The following PCSK2 variants were observed in gnomAD, a reference collection of about 807,000 sequenced individuals.
The protein encoded by PCSK2 is neuroendocrine convertase 2.
A neutral mutation model predicts 69.7 loss-of-function variants in PCSK2; 14 were observed. The ratio of observed to expected loss-of-function variants is 0.20; its 90% confidence interval spans 0.13 to 0.31. PCSK2 has a LOEUF of 0.31. PCSK2 is among the 10% of genes least tolerant of loss of function. The pLI is 1.00. For synonymous variants in PCSK2, 307 were observed against 320.7 expected (o/e 0.96, Z 0.46); for missense variants, 544 against 842.5 (o/e 0.65, Z 4.39).
chr20:17,251,823 T>G (rs1416088595), intron 1 of PCSK2, among the ~76,000 whole-genome samples: 1 of 152,114 alleles, frequency 6.6e-6, no homozygotes, highest in East Asian at 1.9e-4. Context: ...GGAGGCTCAG[T>G]TGGGAAGACT....
chr20:17,263,437 C>G (rs1046233020), intron 2 of PCSK2, among the ~76,000 whole-genome samples: 1 of 152,170 alleles, frequency 6.6e-6, no homozygotes, highest in Non-Finnish European at 1.5e-5. Context: ...TGCTAAAAAG[C>G]AAAAGTTGTG....
chr20:17,347,810 AAG>A (rs1241124907), intron 2 of PCSK2, among the ~76,000 whole-genome samples: 1 of 136,748 alleles, frequency 7.3e-6, no homozygotes, highest in Non-Finnish European at 1.6e-5. Context: ...GAAAGAAAGA[AAG>A]AAAGAAAGAA....
At chr20:17,412,712 T>C (rs6034822) in intron 6 of PCSK2, among the ~76,000 whole-genome samples, 101,958 of 151,842 alleles carry the variant, frequency 0.67, 34,424 homozygotes, top group Middle Eastern at 0.76. Flanking sequence ...GAAGAGGAAC[T>C]CCAAGACACA....
chr20:17,358,982 A>G (rs893545037), intron 3 of PCSK2, among the ~76,000 whole-genome samples: 8 of 152,148 alleles, frequency 5.3e-5, no homozygotes, highest in African/African-American at 1.9e-4. Flanking sequence ...ACTAAAACCC[A>G]TTTTGCCTGG....
chr20:17,265,755 T>TC (rs1987575185), intron 2 of PCSK2, among the ~76,000 whole-genome samples: 1 of 152,164 alleles, frequency 6.6e-6, no homozygotes, highest in South Asian at 2.1e-4. Context: ...TCCATAATTT[T>TC]CCCTGCTCCT....
intron 7 of PCSK2, among the ~76,000 whole-genome samples, chr20:17,431,184 A>G (rs902713500): frequency 4.6e-5 from 7 of 152,174 alleles, no homozygotes; most frequent in African/African-American, 1.7e-4. Flanking sequence ...AGTGAGTCTC[A>G]TGGACAACAG....
At chr20:17,367,571 TG>T (rs1481391470) in intron 4 of PCSK2, among the ~76,000 whole-genome samples, 4 of 152,338 alleles carry the variant, frequency 2.6e-5, no homozygotes, top group East Asian at 1.9e-4. Flanking sequence ...ACCATTTTGC[TG>T]GGGGGATGTT....
chr20:17,253,019 G>A (rs574519739), intron 1 of PCSK2, among the ~76,000 whole-genome samples: 1 of 152,084 alleles, frequency 6.6e-6, no homozygotes, highest in South Asian at 2.1e-4. Context: ...TTTACTTTTC[G>A]GTGAATCTTG....
intron 2 of PCSK2, among the ~76,000 whole-genome samples, chr20:17,299,305 A>T (rs1600464988): frequency 6.6e-6 from 1 of 152,176 alleles, no homozygotes; most frequent in Non-Finnish European, 1.5e-5. Flanking sequence ...CTAATATGAA[A>T]TGCTACTTTT....
chr20:17,416,013 CA>C (rs1437903041), intron 6 of PCSK2, among the ~76,000 whole-genome samples: 2 of 152,108 alleles, frequency 1.3e-5, no homozygotes, highest in Non-Finnish European at 2.9e-5. Flanking sequence ...ATACCTTATA[CA>C]AAAATTAATT....
chr20:17,468,397 G>A (rs1198115156), intron 11 of PCSK2, among the ~76,000 whole-genome samples: 2 of 147,960 alleles, frequency 1.4e-5, no homozygotes, highest in Non-Finnish European at 1.5e-5. Flanking sequence ...ATCCTCCACG[G>A]GCCAGCGTCC....
chr20:17,321,340 T>A lies in PCSK2; in HGVS notation c.283-36987T>A, dbSNP rs1989860996. On this transcript the variant is annotated intron_variant, in intron 2 of 11. Transcript: ENST00000262545. ...CAGAAGTATGTAAGCAGCCCATCCA[T>A]GAAAGGCACACAAATGTTGTCCTCC... Among the ~76,000 whole-genome samples the A allele has an allele frequency of 5.3e-5, 8 of 152,242 alleles. 1 individual carries two copies. Among genetic ancestry groups the A allele is most frequent in the Admixed American group, 5.2e-4 (8 of 15,286 alleles).
chr20:17,312,725 G>A (rs1201372790), intron 2 of PCSK2, among the ~76,000 whole-genome samples: 1 of 152,064 alleles, frequency 6.6e-6, no homozygotes, highest in Non-Finnish European at 1.5e-5. Flanking sequence ...GAGAGGTGCT[G>A]TAGTGGTGGA....
At position 17,381,975 on chromosome 20, in the gene PCSK2, A is replaced by C. The variant is rs1238680070; in HGVS notation, c.543+12698A>C. Among the ~76,000 whole-genome samples, 3 of 152,308 alleles carry C rather than the reference A, an allele frequency of 2.0e-5. No individual in the cohort carries two copies. The East Asian group carries it at 5.8e-4, about 29-fold the overall frequency. On this transcript the variant is annotated intron_variant, in intron 5 of 11. Coordinates refer to ENST00000262545, the MANE Select transcript of PCSK2 (RefSeq NM_002594.5). ...CAAAAAATATATTATCTGTGAATAA[A>C]ACCATGGCCAAGGCTATTAACCACT...
At chr20:17,392,873 G>A (rs1428724200) in intron 5 of PCSK2, among the ~76,000 whole-genome samples, 2 of 151,850 alleles carry the variant, frequency 1.3e-5, no homozygotes, top group African/African-American at 2.4e-5. Flanking sequence ...AAATAAAATC[G>A]TTATATACAT....
At chr20:17,393,855 A>AC (rs1171286018) in intron 5 of PCSK2, among the ~76,000 whole-genome samples, 1 of 152,244 alleles carries the variant, frequency 6.6e-6, no homozygotes, top group African/African-American at 2.4e-5. Context: ...TGGCACTAGC[A>AC]CATTAAAAAA....
At chr20:17,325,697 G>A (rs1213234613) in intron 2 of PCSK2, among the ~76,000 whole-genome samples, 2 of 152,232 alleles carry the variant, frequency 1.3e-5, no homozygotes, top group East Asian at 3.8e-4. Context: ...AGCAGAAAGC[G>A]ACAATGCTCC....
chr20:17,388,209 T>G (rs2123266018), intron 5 of PCSK2, among the ~76,000 whole-genome samples: 1 of 152,208 alleles, frequency 6.6e-6, no homozygotes, highest in Admixed American at 6.5e-5. Context: ...CTGTATAAAC[T>G]TTCTGAGCCA....
At chr20:17,252,924 A>T (rs1341430926) in intron 1 of PCSK2, among the ~76,000 whole-genome samples, 1 of 152,248 alleles carries the variant, frequency 6.6e-6, no homozygotes, top group African/African-American at 2.4e-5. Flanking sequence ...CATTTTGCCT[A>T]TAAATTGGCT....
Sources: gnomAD v4.1 joint callset for allele counts (sites outside exome capture counted in the v4.1 genomes callset) on GRCh38, gnomAD v4.1.1 for gene constraint, MANE v1.5 for transcripts, NCBI Gene and HGNC (gene_info 2026-07-23, HGNC 2026-07-21) for gene names.